CWF19L2: variants seen among roughly 807,000 people sequenced by gnomAD.
CWF19L2 encodes the protein CWF19 like cell cycle control factor 2.
Under a neutral mutation model 111.7 loss-of-function variants are expected in CWF19L2, and 98 were observed. The observed-to-expected ratio is 0.88, with a 90% CI of 0.75 to 1.04. CWF19L2 has a LOEUF of 1.04. Ranked by LOEUF, CWF19L2 falls within the 50% of genes least tolerant of loss-of-function variation. The pLI, the probability that CWF19L2 is intolerant of heterozygous loss-of-function variation, is 0.00. For missense variants in CWF19L2, 1,101 were observed against 1,051.4 expected (o/e 1.05, Z -0.65); for synonymous variants, 351 against 342.9 (o/e 1.02, Z -0.26).
Position 107,444,892 on chromosome 11 carries a change from C to T in CWF19L2, c.340-1843G>A, listed in dbSNP as rs114066877. ...ATAGAGTGAATACATGATTACCATA[C>T]GAGCCTACCTCTATCCCTGGCCACT... On this transcript the variant is annotated intron_variant, in intron 3 of 17. Coordinates refer to ENST00000282251, the MANE Select transcript of CWF19L2 (RefSeq NM_152434.3). Among the ~76,000 whole-genome samples the T allele has an allele frequency of 4.5e-3, 687 of 152,214 alleles. 4 individuals are homozygous for T. The highest frequency in any genetic ancestry group is 0.015 in the African/African-American group (638 of 41,520).
intron 14 of CWF19L2, among the ~76,000 whole-genome samples, chr11:107,341,527 T>C (rs780834259): frequency 3.9e-5 from 6 of 152,168 alleles, no homozygotes; most frequent in Non-Finnish European, 7.4e-5. Flanking sequence ...TCTATTCACA[T>C]AGGATATTGA....
rs188042995 is a variant in CWF19L2 at position 107,392,211 on chromosome 11, A to C, written c.1734+568T>G. Among the ~76,000 whole-genome samples, 1,312 of 152,344 alleles carry C rather than the reference A, an allele frequency of 8.6e-3. 5 individuals carry two copies. Among genetic ancestry groups the C allele is most frequent in the South Asian group, 0.017 (83 of 4,826 alleles). On this transcript the variant is annotated intron_variant, in intron 11 of 17. Transcript: ENST00000282251. ...AATGAACAGTTCTTTTGTATATGCA[A>C]TTATCACTTGTCTGATCTTCCAAAT...
intron 12 of CWF19L2, among the ~76,000 whole-genome samples, chr11:107,360,312 A>G (rs473830): frequency 0.98 from 149,980 of 152,342 alleles, 73,846 homozygotes; most frequent in East Asian, 1. Flanking sequence ...CAAAAAACAC[A>G]ATTTCATTCT....
Position 107,437,823 on chromosome 11 carries a change from G to A in CWF19L2, c.664+1267C>T, listed in dbSNP as rs555786652. ...CTAGGTTTTCCTCAAAGAAATTTAT[G>A]GACCATCCTCTGACATTAGGGATGG... On this transcript the variant is annotated intron_variant, in intron 6 of 17. Transcript: ENST00000282251. Among the ~76,000 whole-genome samples the A allele has an allele frequency of 2.6e-5, 4 of 152,176 alleles. No individual in the cohort carries two copies. In the East Asian group the frequency reaches 7.7e-4, roughly 29 times the overall value.
At chr11:107,361,475 T>C (rs1860335253) in intron 12 of CWF19L2, among the ~76,000 whole-genome samples, 1 of 152,212 alleles carries the variant, frequency 6.6e-6, no homozygotes, top group Non-Finnish European at 1.5e-5. Flanking sequence ...TTTGGTTCCA[T>C]ATGAATTTTA....
chr11:107,328,105 G>A (rs1306453018), intron 17 of CWF19L2, among the ~76,000 whole-genome samples: 3 of 143,360 alleles, frequency 2.1e-5, no homozygotes, highest in Non-Finnish European at 4.5e-5. Context: ...TAAAGTAGAA[G>A]GTAAGTGTCA....
At chr11:107,354,459 T>G (rs1016874142) in intron 12 of CWF19L2, among the ~76,000 whole-genome samples, 1 of 152,202 alleles carries the variant, frequency 6.6e-6, no homozygotes, top group African/African-American at 2.4e-5. Context: ...GTTGTAACAA[T>G]ACTGCCTGCG....
At chr11:107,358,726 T>G (rs1860277201) in intron 12 of CWF19L2, among the ~76,000 whole-genome samples, 1 of 152,218 alleles carries the variant, frequency 6.6e-6, no homozygotes, top group South Asian at 2.1e-4. Context: ...AATTTTAATC[T>G]GTATTTTTTC....
intron 12 of CWF19L2, among the ~76,000 whole-genome samples, chr11:107,388,515 TG>T (rs1226933064): frequency 6.6e-6 from 1 of 152,108 alleles, no homozygotes. Flanking sequence ...CCCGAGTAGA[TG>T]GGACTACAAG....
rs1555028396 is a variant in CWF19L2, at chr11:107,439,035, G to GAAGAAA, written c.664+54_664+55insTTTCTT. ...GGCTGACAGAGCGAGACTCTGTCTC[G>GAAGAAA]AAAAAAAAAAAAAAAAAAAAACCCT... is the stretch of plus-strand genomic sequence containing the variant. On this transcript the variant is annotated intron_variant, in intron 6 of 17. Coordinates refer to ENST00000282251, the MANE Select transcript of CWF19L2 (RefSeq NM_152434.3). 1.7e-5 allele frequency: 5 copies of GAAGAAA among 292,196 alleles called. No homozygotes were observed. The East Asian group carries it at 4.0e-4, about 24-fold the overall frequency. The allele number at this position is 292,196 out of a possible 1,614,324, so 18.1% of individuals were successfully genotyped here. A position where few individuals can be genotyped will look rare whatever the true frequency, so the allele number is the denominator to read the frequency against.
At chr11:107,368,885 G>A (rs1453564933) in intron 12 of CWF19L2, among the ~76,000 whole-genome samples, 2 of 137,556 alleles carry the variant, frequency 1.5e-5, no homozygotes, top group Non-Finnish European at 3.1e-5. Context: ...GCTTCAAAAT[G>A]CCAGGTGCAT....
chr11:107,392,978 A>C, intron 10 of CWF19L2, 83 bp from the exon 11 acceptor site: 1 of 865,502 alleles, frequency 1.2e-6, no homozygotes, highest in Non-Finnish European at 1.8e-6. Flanking sequence ...AAAGCATTAA[A>C]ATGATTAACG....
intron 12 of CWF19L2, among the ~76,000 whole-genome samples, chr11:107,385,178 G>A (rs1860746718): frequency 6.6e-6 from 1 of 152,086 alleles, no homozygotes; most frequent in Non-Finnish European, 1.5e-5. Flanking sequence ...CTACTCTGCT[G>A]TAATTATCAG....
chr11:107,407,431 T>C (rs772925705), intron 10 of CWF19L2, among the ~76,000 whole-genome samples: 128 of 151,780 alleles, frequency 8.4e-4, no homozygotes, highest in Admixed American at 1.5e-3. Context: ...ACAGAACATA[T>C]ATGAATTCAT....
At position 107,371,164 on chromosome 11, in the gene CWF19L2, C is replaced by T. The variant is rs1205179231; in HGVS notation, c.1873-17428G>A. On this transcript the variant is annotated intron_variant, in intron 12 of 17. Transcript: ENST00000282251. ...GGACTACAGGCACCTGCCACCATGC[C>T]GGCTAATTTTTTGTATTTTTAGTAG... Among the ~76,000 whole-genome samples, 6 of 134,412 alleles carry T rather than the reference C, an allele frequency of 4.5e-5. 1 individual carries two copies. Among genetic ancestry groups the T allele is most frequent in the South Asian group, 5.1e-4 (2 of 3,900 alleles). 88.2% of individuals were successfully genotyped at this position (134,412 alleles called of 152,430 possible).
intron 14 of CWF19L2, 197 bp downstream of exon 14, chr11:107,348,740 C>G (rs1250351913): frequency 3.1e-6 from 1 of 322,792 alleles, no homozygotes; most frequent in Non-Finnish European, 5.8e-6. Context: ...TAAAAGGTCT[C>G]AAAATCTGGA....
At chr11:107,407,444 G>A (rs74450502) in intron 10 of CWF19L2, among the ~76,000 whole-genome samples, 1 of 150,756 alleles carries the variant, frequency 6.6e-6, no homozygotes, top group Non-Finnish European at 1.5e-5. Flanking sequence ...GAATTCATCC[G>A]TCCAAGACAA....
intron 10 of CWF19L2, chr11:107,403,982 T>C: frequency 1.2e-6 from 1 of 857,918 alleles, no homozygotes; most frequent in South Asian, 1.3e-5. Context: ...TGACCGAACG[T>C]CTGGCACCAC....
chr11:107,455,608 T>C, intron 2 of CWF19L2, 58 bp downstream of exon 2: 3 of 971,358 alleles, frequency 3.1e-6, no homozygotes, highest in Non-Finnish European at 4.6e-6. Flanking sequence ...AATATTAACT[T>C]GAATACGTGC....
Sources: allele counts gnomAD v4.1 joint callset (sites outside exome capture counted in the v4.1 genomes callset), GRCh38; gene constraint gnomAD v4.1.1; transcripts MANE v1.5; gene names NCBI Gene and HGNC (gene_info 2026-07-23, HGNC 2026-07-21).